The following CDHR5 variants were observed in gnomAD, a reference collection of about 807,000 sequenced individuals.
CDHR5 encodes cadherin related family member 5.
CDHR5 carries 82 observed loss-of-function variants against 69.5 expected under a neutral mutation model. That is an observed-to-expected ratio of 1.18 (90% CI 0.99 to 1.42). The LOEUF (loss-of-function observed/expected upper bound fraction) is 1.42. Among genes scored for constraint, CDHR5 ranks in the 40% most tolerant of loss-of-function variants. The pLI, the probability that CDHR5 is intolerant of heterozygous loss-of-function variation, is 0.00. For synonymous variants in CDHR5, 601 were observed against 510.2 expected, an observed-to-expected ratio of 1.18 and a Z score of -2.40; for missense variants, 1,293 against 1,168.9, an observed-to-expected ratio of 1.11 and a Z score of -1.55.
At chr11:623,516 A>G (rs1857541688) in intron 3 of CDHR5, among the ~76,000 whole-genome samples, 1 of 152,084 alleles carries the variant, frequency 6.6e-6, no homozygotes. Flanking sequence ...GGGATGCAAC[A>G]GGGCATAGGG....
At chr11:622,673 A>G (rs2133212947) in intron 3 of CDHR5, among the ~76,000 whole-genome samples, 1 of 149,824 alleles carries the variant, frequency 6.7e-6, no homozygotes, top group South Asian at 2.1e-4. Context: ...ACGGGGTTTC[A>G]CCATTTTGGC....
intron 13 of CDHR5, 134 bp downstream of exon 13, chr11:618,465 G>T: frequency 9.1e-7 from 1 of 1,096,260 alleles, no homozygotes; most frequent in Non-Finnish European, 1.3e-6. Context: ...GTCTGTGTCT[G>T]TCAGTCCCAA....
chr11:617,855 C>T lies in CDHR5; in HGVS notation c.2119-85G>A, dbSNP rs552855718. On this transcript the variant is annotated intron_variant, in intron 14 of 14. Transcript: ENST00000397542. ...ACACCCTCATTCCACGCTGGACACCCCTCCGTCTCCACATCTGTCCCTCTG... is the reference window on the plus strand; with the variant it reads ...ACACCCTCATTCCACGCTGGACACCTCTCCGTCTCCACATCTGTCCCTCTG... 90 of 1,493,128 alleles carry T rather than the reference C, an allele frequency of 6.0e-5. No individual in the cohort carries two copies. In the South Asian group the frequency reaches 7.4e-4, roughly 12 times the overall value. The allele number at this position is 1,493,128 out of a possible 1,614,324, so 92.5% of individuals were successfully genotyped here.
rs978323862 is a variant in CDHR5 at position 621,017 on chromosome 11, C to G, written c.789+63G>C. On this transcript the variant is annotated intron_variant, in intron 7 of 14. Transcript: ENST00000397542. The surrounding 1 kb of genome is among the most constrained non-coding windows in gnomAD (Gnocchi z 4.4). ...CCGCCCTTCCTCTCCTGATCCTGGC[C>G]GTCCCTGTGTCCAGCCTGCCTAGAA... The G allele has an allele frequency of 4.7e-6, 6 of 1,268,604 alleles. No homozygotes were observed. Among genetic ancestry groups the G allele is most frequent in the Non-Finnish European group, 5.4e-6 (5 of 931,424 alleles). The allele number at this position is 1,268,604 out of a possible 1,614,324, so 78.6% of individuals were successfully genotyped here.
In CDHR5 at chr11:619,759, A is replaced by G. The variant is rs746550513; in HGVS notation, c.1101T>C (p.Ala367=). 7 of 1,611,662 alleles carry G rather than the reference A, an allele frequency of 4.3e-6. No homozygotes were observed. The South Asian group carries it at 7.7e-5, about 18-fold the overall frequency. ...RLYRGTVARG[A]GAGVVVKDAA... ...CATCCTTGACCACAACGCCCGCTCC[A>G]GCGCCACGCGCCACGGTGCCACGAT... is the stretch of plus-strand genomic sequence containing the variant. Residue 367 remains alanine, a synonymous_variant, in exon 10 of 15, where the codon GCT becomes GCC. Coordinates refer to ENST00000397542, the MANE Select transcript of CDHR5 (RefSeq NM_021924.5).
In CDHR5 at chr11:618,909, C is replaced by G. The variant is rs770305702; in HGVS notation, c.1650G>C (p.Pro550=). ...TGCTGGTTCCCACACCGGGGGGCATCGGCTGAGAGGTTCCTGGCTTTGGGG... is the reference window on the plus strand; with the variant it reads ...TGCTGGTTCCCACACCGGGGGGCATGGGCTGAGAGGTTCCTGGCTTTGGGG... ...AQTPKPGTSQ[P]MPPGVGTSTS... is the part of the protein sequence containing the mutation. Residue 550 remains proline (P), a synonymous_variant, in exon 13 of 15, where the codon CCG becomes CCC. Coordinates refer to ENST00000397542, the MANE Select transcript of CDHR5 (RefSeq NM_021924.5). The G allele has an allele frequency of 2.5e-5, 41 of 1,609,010 alleles. No individual in the cohort carries two copies. Among genetic ancestry groups the G allele is most frequent in the Non-Finnish European group, 3.4e-5 (40 of 1,177,082 alleles).
At position 616,965 on chromosome 11, in the gene CDHR5, CTGAG is replaced by C; in HGVS notation, c.*382_*385del. 4.2e-6 allele frequency: 1 copy of C among 240,934 alleles called. No individual in the cohort carries two copies. Among genetic ancestry groups the C allele is most frequent in the South Asian group, 8.6e-5 (1 of 11,664 alleles). The allele number at this position is 240,934 out of a possible 1,614,324, so 14.9% of individuals were successfully genotyped here. A position where few individuals can be genotyped will look rare whatever the true frequency, so the allele number is the denominator to read the frequency against. On this transcript the variant is annotated 3_prime_UTR_variant, in exon 15 of 15. Coordinates refer to ENST00000397542, the MANE Select transcript of CDHR5 (RefSeq NM_021924.5). ...CTGTGTAGGGTCGGGAGCGGGAGGT[CTGAG>C]ATGAGCCGGGTGCCTGAGATCTCCG... is the stretch of plus-strand genomic sequence containing the variant.
chr11:622,205 C>G (rs1767902146), intron 3 of CDHR5, among the ~76,000 whole-genome samples: 1 of 152,232 alleles, frequency 6.6e-6, no homozygotes, highest in Non-Finnish European at 1.5e-5. Context: ...TGTTGGGGGG[C>G]TACAGGGGCT....
intron 13 of CDHR5, 80 bp from the exon 14 acceptor site, chr11:618,191 T>C: frequency 8.3e-7 from 1 of 1,203,248 alleles, no homozygotes; most frequent in Non-Finnish European, 1.2e-6. Flanking sequence ...TGTGCCAGGC[T>C]TGGGACACTT....
chr11:620,309 G>A lies in CDHR5; in HGVS notation c.867C>T (p.Tyr289=), dbSNP rs769580538. ...GDRGINQPII[Y]SIFRGNVNGT... is the part of the protein sequence containing the mutation. Reference sequence around the variant, plus strand: ...GGCCCCACTCACCCCTAAAGATGCTGTAGATGATGGGCTGGTTGATGCCGC... The same window carrying A: ...GGCCCCACTCACCCCTAAAGATGCTATAGATGATGGGCTGGTTGATGCCGC... The change falls in exon 8 of 15, where the codon TAC becomes TAT. Residue 289 remains tyrosine (Y), a synonymous_variant. Coordinates refer to ENST00000397542, the MANE Select transcript of CDHR5 (RefSeq NM_021924.5). The A allele has an allele frequency of 2.5e-6, 4 of 1,612,242 alleles. No homozygotes were observed. The highest frequency in any genetic ancestry group is 2.2e-5 in the East Asian group (1 of 44,870).
chr11:624,287 G>A lies in CDHR5; in HGVS notation c.262-24C>T, dbSNP rs1419351246. Reference sequence around the variant, plus strand: ...TCCTGTGGATGTAGACAGGTCTGCAGTCACCGTCCTGCCCCACAGGTGGGG... The same window carrying A: ...TCCTGTGGATGTAGACAGGTCTGCAATCACCGTCCTGCCCCACAGGTGGGG... On this transcript the variant is annotated intron_variant, in intron 2 of 14. Transcript: ENST00000397542. The surrounding 1 kb of genome is among the most constrained non-coding windows in gnomAD (Gnocchi z 5.3). 4 of 758,424 alleles carry A rather than the reference G, an allele frequency of 5.3e-6. No homozygotes were observed. The highest frequency in any genetic ancestry group is 9.8e-6 in the Non-Finnish European group (4 of 407,604). The allele number at this position is 758,424 out of a possible 1,614,324, so 47.0% of individuals were successfully genotyped here. A position where few individuals can be genotyped will look rare whatever the true frequency, so the allele number is the denominator to read the frequency against.
intron 12 of CDHR5, 29 bp downstream of exon 12, chr11:619,277 T>TGGGGGCTCACCTGTGGAG: frequency 6.5e-7 from 1 of 1,547,158 alleles, no homozygotes; most frequent in Non-Finnish European, 8.9e-7. Flanking sequence ...TGGAGAACCC[T>TGGGGGCTCACCTGTGGAG]GGGGGCTCAC....
At chr11:620,223 C>T in intron 8 of CDHR5, 59 bp from the exon 9 acceptor site, 1 of 1,589,162 alleles carries the variant, frequency 6.3e-7, no homozygotes, top group South Asian at 1.1e-5. Context: ...ACCCAGCCAG[C>T]TCTGCCCAAG....
rs143800672 is a variant in CDHR5 at position 617,383 on chromosome 11, C to T, written c.2506G>A (p.Asp836Asn). ...TAGGAGTCATCACCACCGGGCGCATCGTAGGGACCCCCACCCCTCCCCGCG... is the reference window on the plus strand; with the variant it reads ...TAGGAGTCATCACCACCGGGCGCATTGTAGGGACCCCCACCCCTCCCCGCG... The part of the protein sequence containing the change: ...EGAGRGGGPY[D>N]APGGDDSYI The change falls in exon 15 of 15, where the codon GAT becomes AAT. Residue 836 changes from aspartate to asparagine, a missense_variant. Coordinates refer to ENST00000397542, the MANE Select transcript of CDHR5 (RefSeq NM_021924.5). The T allele has an allele frequency of 1.1e-3, 1,836 of 1,609,632 alleles. 3 individuals are homozygous for T. Among genetic ancestry groups the T allele is most frequent in the Middle Eastern group, 1.5e-3 (9 of 6,034 alleles).
At chr11:623,958 C>T (rs1014127415) in intron 3 of CDHR5, among the ~76,000 whole-genome samples, 11 of 151,974 alleles carry the variant, frequency 7.2e-5, no homozygotes, top group Admixed American at 4.6e-4. Flanking sequence ...AAGGTGCCTC[C>T]CTTGTGGATG....
rs772818611 is a variant in CDHR5 at position 619,675 on chromosome 11, C to T, written c.1179+6G>A. 6.2e-7 allele frequency: 1 copy of T among 1,613,296 alleles called. No individual in the cohort carries two copies. Among genetic ancestry groups the T allele is most frequent in the Non-Finnish European group, 8.5e-7 (1 of 1,179,864 alleles). On this transcript the variant is annotated splice_donor_region_variant and intron_variant, in intron 10 of 14. Coordinates refer to ENST00000397542, the MANE Select transcript of CDHR5 (RefSeq NM_021924.5). ...ACAGAGGGGAGGCCTTGGATGCACT[C>T]TCTACCGAGAACTCCGGGTCCTGAG...
chr11:618,108 C>T lies in CDHR5; in HGVS notation c.1964G>A (p.Gly655Asp). The T allele has an allele frequency of 6.2e-7, 1 of 1,607,626 alleles. No individual in the cohort carries two copies. ...PLSKSTPSSG[G>D]GPSEDKRFSV... ...GAAGCGCTTGTCCTCCGAGGGGCCGCCACCTGGCATCGCAGTGGAAAACGT... is the reference window on the plus strand; with the variant it reads ...GAAGCGCTTGTCCTCCGAGGGGCCGTCACCTGGCATCGCAGTGGAAAACGT... Residue 655 changes from glycine to aspartate, a missense_variant, in exon 14 of 15, where the codon GGC (glycine) becomes GAC (aspartate). Gly to Asp is a moderately conservative substitution (Grantham distance 94). Coordinates refer to ENST00000397542, the MANE Select transcript of CDHR5 (RefSeq NM_021924.5).
rs757830975 is a variant in CDHR5, at chr11:618,624, G to A, written c.1935C>T (p.Pro645=). ...TPEPGTSQPM[P]LSKSTPSSGG... is the part of the protein sequence containing the mutation. The stretch of plus-strand genomic sequence containing the variant: ...CTGAAGATGGGGTGCTCTTGCTGAG[G>A]GGCATCGGCTGAGAGGTTCCTGGCT... Residue 645 remains proline (P), a synonymous_variant, in exon 13 of 15, where the codon CCC becomes CCT. Coordinates refer to ENST00000397542, the MANE Select transcript of CDHR5 (RefSeq NM_021924.5). 12 of 1,613,828 alleles carry A rather than the reference G, an allele frequency of 7.4e-6. No homozygotes were observed. The African/African-American group carries it at 1.5e-4, about 20-fold the overall frequency.
chr11:619,756 T>C lies in CDHR5; in HGVS notation c.1104A>G (p.Gly368=), dbSNP rs771602656. 3 of 1,611,832 alleles carry C rather than the reference T, an allele frequency of 1.9e-6. No individual in the cohort carries two copies. The highest frequency in any genetic ancestry group is 2.5e-6 in the Non-Finnish European group (3 of 1,179,942). The change falls in exon 10 of 15, where the codon GGA becomes GGG. Residue 368 remains glycine (G), a synonymous_variant. Transcript: ENST00000397542. ...CTGCATCCTTGACCACAACGCCCGCTCCAGCGCCACGCGCCACGGTGCCAC... is the reference window on the plus strand; with the variant it reads ...CTGCATCCTTGACCACAACGCCCGCCCCAGCGCCACGCGCCACGGTGCCAC... ...LYRGTVARGA[G]AGVVVKDAAA...
Sources: gnomAD v4.1 joint callset for allele counts (sites outside exome capture counted in the v4.1 genomes callset) on GRCh38, gnomAD v4.1.1 for gene constraint, Gnocchi (gnomAD v3.1) non-coding constraint, MANE v1.5 for transcripts, NCBI Gene and HGNC (gene_info 2026-07-23, HGNC 2026-07-21) for gene names.